OSGIN2: variants seen among roughly 807,000 people sequenced by gnomAD.
OSGIN2 encodes the protein oxidative stress-induced growth inhibitor 2.
In OSGIN2, 19 loss-of-function variants were observed where a neutral mutation model predicts 53.8. The observed-to-expected ratio is 0.35, with a 90% CI of 0.25 to 0.52. OSGIN2 has a LOEUF of 0.52. OSGIN2 is among the 20% of genes least tolerant of loss of function. The pLI is 0.95. For synonymous variants in OSGIN2, 236 were observed against 236.0 expected, an observed-to-expected ratio of 1.00 and a Z score of 0.00; for missense variants, 520 against 662.7, an observed-to-expected ratio of 0.78 and a Z score of 2.36.
Position 89,921,307 on chromosome 8 carries a change from G to A in OSGIN2, c.620+136G>A, listed in dbSNP as rs1001345462. The A allele has an allele frequency of 1.6e-5, 9 of 576,202 alleles. No individual in the cohort carries two copies. In the African/African-American group the frequency reaches 1.7e-4, roughly 11 times the overall value. 35.7% of individuals were successfully genotyped at this position (576,202 alleles called of 1,614,324 possible). On this transcript the variant is annotated intron_variant, in intron 5 of 5. Coordinates refer to ENST00000451899, the MANE Select transcript of OSGIN2 (RefSeq NM_001126111.3). Reference sequence around the variant, plus strand: ...TTTCAAATAAAAATGTGTCCTTGAAGCAGTGATTATAATATGCTAGTTTTC... The same window carrying A: ...TTTCAAATAAAAATGTGTCCTTGAAACAGTGATTATAATATGCTAGTTTTC...
intron 1 of OSGIN2, among the ~76,000 whole-genome samples, chr8:89,905,993 T>C (rs1005919283): frequency 1.3e-5 from 2 of 152,250 alleles, no homozygotes; most frequent in Admixed American, 6.5e-5. Flanking sequence ...GCAATACTTA[T>C]GCACTGAAAA....
At chr8:89,922,850 A>G (rs1302931696) in intron 5 of OSGIN2, among the ~76,000 whole-genome samples, 2 of 152,206 alleles carry the variant, frequency 1.3e-5, no homozygotes, top group East Asian at 3.8e-4. Flanking sequence ...GCTATAGGGT[A>G]TAGCCTGTTG....
At chr8:89,916,095 G>A (rs1329877541) in intron 4 of OSGIN2, among the ~76,000 whole-genome samples, 21 of 152,060 alleles carry the variant, frequency 1.4e-4, no homozygotes, top group Admixed American at 1.4e-3. Flanking sequence ...TTAATTAGTA[G>A]CATTCTTAAT....
rs1422892728 is a variant in OSGIN2 at position 89,927,111 on chromosome 8, C to G, written c.*1579C>G. ...TTCTCTGACTGCACTTGCTTCAGTA[C>G]TCTCTTGCCTGCCTGTTTTTGACCT... On this transcript the variant is annotated 3_prime_UTR_variant, in exon 6 of 6. Coordinates refer to ENST00000451899, the MANE Select transcript of OSGIN2 (RefSeq NM_001126111.3). 6.6e-6 allele frequency: 1 copy of G among 152,138 alleles called. No homozygotes were observed. Among genetic ancestry groups the G allele is most frequent in the Admixed American group, 6.5e-5 (1 of 15,282 alleles). The allele number at this position is 152,138 out of a possible 1,614,324, so 9.4% of individuals were successfully genotyped here. A position where few individuals can be genotyped will look rare whatever the true frequency, so the allele number is the denominator to read the frequency against.
rs1808921392 is a variant in OSGIN2, at chr8:89,909,464, G to C, written c.45-103G>C. 1.2e-5 allele frequency: 7 copies of C among 604,866 alleles called. No individual in the cohort carries two copies. The South Asian group carries it at 1.4e-4, about 12-fold the overall frequency. The allele number at this position is 604,866 out of a possible 1,614,324, so 37.5% of individuals were successfully genotyped here. A position where few individuals can be genotyped will look rare whatever the true frequency, so the allele number is the denominator to read the frequency against. On this transcript the variant is annotated intron_variant, in intron 1 of 5. Transcript: ENST00000451899. ...ATTTTCTTTGCTTCTTTTATGGAAT[G>C]ATTAAAATATTTTATGTCTAAATAA...
intron 1 of OSGIN2, among the ~76,000 whole-genome samples, chr8:89,904,049 C>T (rs1231020800): frequency 6.6e-6 from 1 of 152,204 alleles, no homozygotes; most frequent in Non-Finnish European, 1.5e-5. Flanking sequence ...CCAAGCTTGT[C>T]TAACCTCTCA....
chr8:89,906,793 C>A (rs951003319), intron 1 of OSGIN2, among the ~76,000 whole-genome samples: 2 of 152,108 alleles, frequency 1.3e-5, no homozygotes, highest in African/African-American at 2.4e-5. Context: ...TGGGTATATA[C>A]CCAGTAATGG....
intron 2 of OSGIN2, 87 bp from the exon 3 acceptor site, chr8:89,913,990 A>G: frequency 9.2e-7 from 1 of 1,083,166 alleles, no homozygotes; most frequent in South Asian, 1.4e-5. Context: ...GTCAGAGAAA[A>G]GAGCCATCTT....
intron 1 of OSGIN2, among the ~76,000 whole-genome samples, chr8:89,907,896 A>T (rs1319434489): frequency 1.3e-5 from 2 of 152,212 alleles, no homozygotes; most frequent in Non-Finnish European, 2.9e-5. Context: ...GATTCTTCCT[A>T]CACATGAATA....
At chr8:89,917,531 C>G (rs919054622) in intron 4 of OSGIN2, among the ~76,000 whole-genome samples, 3 of 152,156 alleles carry the variant, frequency 2.0e-5, no homozygotes, top group South Asian at 4.1e-4. Context: ...TACACTTGAG[C>G]AGTCAGACCC....
At chr8:89,902,880 C>A in intron 1 of OSGIN2, 43 bp downstream of exon 1, 2 of 1,313,592 alleles carry the variant, frequency 1.5e-6, no homozygotes, top group South Asian at 1.9e-5. Flanking sequence ...GGCGGGGATG[C>A]CGCGCTCTCG....
rs901178410 is a variant in OSGIN2 at position 89,926,088 on chromosome 8, A to G, written c.*556A>G. The stretch of plus-strand genomic sequence containing the variant: ...GACACTGGTTTAAATGAAAATGGAT[A>G]TAAGGTATGTATAACTGGGGGTGGG... On this transcript the variant is annotated 3_prime_UTR_variant, in exon 6 of 6. Transcript: ENST00000451899. 11 of 153,210 alleles carry G rather than the reference A, an allele frequency of 7.2e-5. No homozygotes were observed. The highest frequency in any genetic ancestry group is 2.7e-4 in the African/African-American group (11 of 41,460). 9.5% of individuals were successfully genotyped at this position (153,210 alleles called of 1,614,324 possible).
Position 89,926,610 on chromosome 8 carries a change from C to G in OSGIN2, c.*1078C>G, listed in dbSNP as rs1027785840. ...TTCGAGATGACATAGCAGCTCATATCATGGTTGTTTATTGGATTTATCTGT... is the reference window on the plus strand; with the variant it reads ...TTCGAGATGACATAGCAGCTCATATGATGGTTGTTTATTGGATTTATCTGT... On this transcript the variant is annotated 3_prime_UTR_variant, in exon 6 of 6. Coordinates refer to ENST00000451899, the MANE Select transcript of OSGIN2 (RefSeq NM_001126111.3). The G allele has an allele frequency of 6.6e-6, 1 of 152,372 alleles. No homozygotes were observed. Among genetic ancestry groups the G allele is most frequent in the African/African-American group, 2.4e-5 (1 of 41,436 alleles). The allele number at this position is 152,372 out of a possible 1,614,324, so 9.4% of individuals were successfully genotyped here.
At chr8:89,909,031 A>ATAT (rs1165001540) in intron 1 of OSGIN2, among the ~76,000 whole-genome samples, 1 of 117,104 alleles carries the variant, frequency 8.5e-6, no homozygotes, top group African/African-American at 4.9e-5. Flanking sequence ...AAAAAAAAAA[A>ATAT]AAAAAAATAT....
At chr8:89,924,100 G>A (rs1319703925) in intron 5 of OSGIN2, among the ~76,000 whole-genome samples, 1 of 152,150 alleles carries the variant, frequency 6.6e-6, no homozygotes, top group African/African-American at 2.4e-5. Context: ...AGTTAGGCCT[G>A]TAATATCTCA....
chr8:89,916,624 C>G (rs1391646202), intron 4 of OSGIN2, among the ~76,000 whole-genome samples: 3 of 152,158 alleles, frequency 2.0e-5, no homozygotes, highest in Admixed American at 2.0e-4. Flanking sequence ...CCCCTCTCTC[C>G]TACTTAGCTT....
rs780076605 is a variant in OSGIN2, at chr8:89,924,833, T to C, written c.951T>C (p.Ile317=). The change falls in exon 6 of 6, where the codon ATT becomes ATC. Residue 317 remains isoleucine (I), a synonymous_variant. Coordinates refer to ENST00000451899, the MANE Select transcript of OSGIN2 (RefSeq NM_001126111.3). ...TGGATTCTCCTGCCCATCTGGAAAT[T>C]GAAGGGGAAGATTTTCCTTTTGTGT... ...GTLDSPAHLE[I]EGEDFPFVFH... is the part of the protein sequence containing the mutation. 3.1e-6 allele frequency: 5 copies of C among 1,614,162 alleles called. No individual in the cohort carries two copies. The African/African-American group carries it at 5.3e-5, about 17-fold the overall frequency.
chr8:89,914,065 T>TA lies in OSGIN2; in HGVS notation c.200-11dup. The TA allele has an allele frequency of 6.2e-7, 1 of 1,607,962 alleles. No homozygotes were observed. Among genetic ancestry groups the TA allele is most frequent in the Non-Finnish European group, 8.5e-7 (1 of 1,177,194 alleles). ...GCATGACCTACCCCTTTCCACCTTTTATTTTTAATAGGAAATGGACCCTCA... is the reference window on the plus strand; with the variant it reads ...GCATGACCTACCCCTTTCCACCTTTTAATTTTTAATAGGAAATGGACCCTCA... On this transcript the variant is annotated splice_polypyrimidine_tract_variant and intron_variant, in intron 2 of 5. Transcript: ENST00000451899.
At chr8:89,907,037 C>T (rs1259371898) in intron 1 of OSGIN2, among the ~76,000 whole-genome samples, 1 of 152,112 alleles carries the variant, frequency 6.6e-6, no homozygotes, top group Non-Finnish European at 1.5e-5. Flanking sequence ...AACTTTTTTT[C>T]ATATGATTGT....
Sources: allele counts gnomAD v4.1 joint callset (sites outside exome capture counted in the v4.1 genomes callset), GRCh38; gene constraint gnomAD v4.1.1; transcripts MANE v1.5; gene names NCBI Gene and HGNC (gene_info 2026-07-23, HGNC 2026-07-21).